The following TSTD2 variants were observed in gnomAD, a reference collection of about 807,000 sequenced individuals.
TSTD2 encodes the protein thiosulfate sulfurtransferase/rhodanese-like domain-containing protein 2.
A neutral mutation model predicts 47.9 loss-of-function variants in TSTD2; 37 were observed. The observed-to-expected ratio is 0.77, with a 90% CI of 0.59 to 1.02. TSTD2 has a LOEUF of 1.02. Ranked by LOEUF, TSTD2 falls within the 50% of genes least tolerant of loss-of-function variation. The probability of loss-of-function intolerance (pLI) is 0.00; values close to 1 mark genes in which losing one functional copy is unlikely to be tolerated. For missense variants in TSTD2, 586 were observed against 616.0 expected (o/e 0.95, Z 0.52); for synonymous variants, 201 against 215.9 (o/e 0.93, Z 0.61).
rs368471399 is a variant in TSTD2, at chr9:97,602,799, CACAT to C, written c.1253-36_1253-33del. The C allele has an allele frequency of 1.1e-4, 175 of 1,567,404 alleles. 3 individuals carry two copies. In the African/African-American group the frequency reaches 2.1e-3, roughly 19 times the overall value. On this transcript the variant is annotated intron_variant, in intron 9 of 9. Transcript: ENST00000341170. ...AGGAAGGAAAAGCCATCATTATAAA[CACAT>C]ACATTCACACACACGTGGACAGGCA... is the stretch of plus-strand genomic sequence containing the variant.
chr9:97,626,628 TTA>T (rs368630196), intron 2 of TSTD2, among the ~76,000 whole-genome samples: 10 of 152,316 alleles, frequency 6.6e-5, no homozygotes, highest in African/African-American at 2.4e-4. Flanking sequence ...TGATGAACAT[TTA>T]GATTGTTTCT....
chr9:97,617,760 G>C lies in TSTD2; in HGVS notation c.600C>G (p.Gly200=). 6.2e-7 allele frequency: 1 copy of C among 1,613,162 alleles called. No individual in the cohort carries two copies. ...GGAATATAGGAGAAGGTGTTACCTT[G>C]CCTGTGAGGTGCAGGTGCTGACACA... ...TALCQHLHLT[G]KIRIAAEGIN... The change falls in exon 4 of 10, where the codon GGC becomes GGG. Residue 200 remains glycine, a synonymous_variant. Transcript: ENST00000341170.
At position 97,622,033 on chromosome 9, in the gene TSTD2, G is replaced by T. The variant is rs115488956; in HGVS notation, c.482+3648C>A. Among the ~76,000 whole-genome samples, 770 of 152,142 alleles carry T rather than the reference G, an allele frequency of 5.1e-3. 4 individuals are homozygous for T. Among genetic ancestry groups the T allele is most frequent in the African/African-American group, 0.018 (737 of 41,500 alleles). On this transcript the variant is annotated intron_variant, in intron 3 of 9. Transcript: ENST00000341170. ...CCTAGCTGTAAAATTTCTCTGTTTT[G>T]TACTCTTTCTCTTTATTTCTCAGGC...
chr9:97,614,867 TG>T (rs1826518970), intron 4 of TSTD2, among the ~76,000 whole-genome samples: 1 of 152,196 alleles, frequency 6.6e-6, no homozygotes, highest in Admixed American at 6.5e-5. Flanking sequence ...AAGCCAGTTC[TG>T]GGCATGGGAG....
intron 5 of TSTD2, 58 bp downstream of exon 5, chr9:97,611,516 C>A: frequency 6.6e-7 from 1 of 1,521,684 alleles, no homozygotes; most frequent in Non-Finnish European, 8.9e-7. Flanking sequence ...TCTTCAATAA[C>A]ATGCACAGAG....
At chr9:97,626,154 T>C (rs1046774049) in intron 2 of TSTD2, among the ~76,000 whole-genome samples, 157 bp from the exon 3 acceptor site, 3 of 152,234 alleles carry the variant, frequency 2.0e-5, no homozygotes, top group Admixed American at 1.3e-4. Context: ...ACTTCTCTTA[T>C]TAGTAAGCTT....
intron 1 of TSTD2, among the ~76,000 whole-genome samples, chr9:97,630,924 C>G (rs985266346): frequency 6.6e-6 from 1 of 152,238 alleles, no homozygotes; most frequent in African/African-American, 2.4e-5. Flanking sequence ...ATATACCCCA[C>G]TGTGTGTGAA....
At chr9:97,632,481 C>T (rs976199188) in intron 1 of TSTD2, among the ~76,000 whole-genome samples, 3 of 151,464 alleles carry the variant, frequency 2.0e-5, no homozygotes, top group Admixed American at 6.6e-5. Context: ...AAGGGATCCT[C>T]CCACCTCGGC....
intron 3 of TSTD2, among the ~76,000 whole-genome samples, chr9:97,623,666 C>G (rs1307465636): frequency 6.6e-6 from 1 of 152,182 alleles, no homozygotes; most frequent in Admixed American, 6.5e-5. Context: ...CAAGACTAGT[C>G]TGGCCAACAT....
At chr9:97,604,653 G>C in intron 9 of TSTD2, 74 bp downstream of exon 9, 1 of 1,596,658 alleles carries the variant, frequency 6.3e-7, no homozygotes, top group Middle Eastern at 1.7e-4. Flanking sequence ...TGTCTTCCCT[G>C]TGTCATTTTT....
chr9:97,618,889 T>C (rs1488986068), intron 3 of TSTD2, among the ~76,000 whole-genome samples: 1 of 152,230 alleles, frequency 6.6e-6, no homozygotes, highest in African/African-American at 2.4e-5. Context: ...CTATTTTCCT[T>C]TCTCTAAGCT....
intron 4 of TSTD2, among the ~76,000 whole-genome samples, chr9:97,612,687 C>A (rs577301988): frequency 6.6e-6 from 1 of 152,234 alleles, no homozygotes; most frequent in African/African-American, 2.4e-5. Context: ...TCCTGAGTAG[C>A]TGGGATTACA....
intron 3 of TSTD2, among the ~76,000 whole-genome samples, chr9:97,624,966 A>T (rs891594297): frequency 9.9e-5 from 15 of 152,162 alleles, no homozygotes; most frequent in Non-Finnish European, 2.1e-4. Context: ...CTATTTATTT[A>T]AAAATGTTTA....
At chr9:97,627,152 T>A (rs1564010994) in intron 2 of TSTD2, among the ~76,000 whole-genome samples, 1 of 152,166 alleles carries the variant, frequency 6.6e-6, no homozygotes, top group Non-Finnish European at 1.5e-5. Context: ...TTTTTTGACC[T>A]GGGGGGTGGG....
At chr9:97,623,421 T>TA (rs1344644915) in intron 3 of TSTD2, among the ~76,000 whole-genome samples, 2 of 152,238 alleles carry the variant, frequency 1.3e-5, no homozygotes, top group Admixed American at 1.3e-4. Flanking sequence ...AACAGACTAA[T>TA]ACAAAACCCT....
At chr9:97,619,517 T>C (rs556527222) in intron 3 of TSTD2, among the ~76,000 whole-genome samples, 38 of 152,262 alleles carry the variant, frequency 2.5e-4, no homozygotes, top group African/African-American at 9.1e-4. Flanking sequence ...TTTTTCTTTT[T>C]TTTTTGTAGG....
chr9:97,621,512 T>A (rs766578893), intron 3 of TSTD2, among the ~76,000 whole-genome samples: 1 of 152,118 alleles, frequency 6.6e-6, no homozygotes, highest in African/African-American at 2.4e-5. Flanking sequence ...AGAAAATGAG[T>A]AGAAGAAATA....
intron 4 of TSTD2, among the ~76,000 whole-genome samples, chr9:97,612,271 T>C (rs1826472352): frequency 6.6e-6 from 1 of 152,248 alleles, no homozygotes; most frequent in African/African-American, 2.4e-5. Context: ...GTTGATTCCA[T>C]GTCTTTGCTA....
intron 2 of TSTD2, chr9:97,627,179 A>G (rs2131318025): frequency 1.3e-6 from 1 of 796,342 alleles, no homozygotes; most frequent in African/African-American, 1.8e-5. Context: ...AATCTAATCC[A>G]TCTGTCTAGG....
Sources: allele counts gnomAD v4.1 joint callset (sites outside exome capture counted in the v4.1 genomes callset), GRCh38; gene constraint gnomAD v4.1.1; transcripts MANE v1.5; gene names NCBI Gene and HGNC (gene_info 2026-07-23, HGNC 2026-07-21).